Variants in PTPN5 observed in about 807,000 individuals in gnomAD.
The protein encoded by PTPN5 is protein tyrosine phosphatase non-receptor type 5.
Under a neutral mutation model 73.9 loss-of-function variants are expected in PTPN5, and 29 were observed. The ratio of observed to expected loss-of-function variants is 0.39; its 90% CI spans 0.29 to 0.54. The LOEUF is 0.54. Ranked by LOEUF, PTPN5 falls within the 20% of genes least tolerant of loss-of-function variation. The pLI is 0.65. For synonymous variants in PTPN5, 267 were observed against 304.7 expected, an observed-to-expected ratio of 0.88 and a Z score of 1.29; for missense variants, 652 against 751.4, an observed-to-expected ratio of 0.87 and a Z score of 1.55.
intron 3 of PTPN5, among the ~76,000 whole-genome samples, chr11:18,758,182 A>G (rs1850237044): frequency 1.3e-5 from 2 of 152,362 alleles, no homozygotes; most frequent in South Asian, 4.1e-4. Context: ...CACTCCTCCT[A>G]TCAAGAGGTG....
At position 18,729,079 on chromosome 11, in the gene PTPN5, G is replaced by GCACA. The variant is rs768752190; in HGVS notation, c.1605-53_1605-52insTGTG. The GCACA allele has an allele frequency of 3.2e-6, 5 of 1,581,168 alleles. No individual in the cohort carries two copies. In the South Asian group the frequency reaches 5.6e-5, roughly 18 times the overall value. On this transcript the variant is annotated intron_variant, in intron 14 of 14. Coordinates refer to ENST00000358540, the MANE Select transcript of PTPN5 (RefSeq NM_006906.2). This position sits in a 1 kb window ranked among gnomAD's most constrained non-coding sequence, Gnocchi z 5.2. ...GCAGGGTCGTGGAGGGATGGGCTGT[G>GCACA]GGAGGTGCCCCAAAAGCCATGGAGT... is the stretch of plus-strand genomic sequence containing the variant.
At chr11:18,743,202 C>A in intron 5 of PTPN5, 120 bp downstream of exon 5, 1 of 1,238,278 alleles carries the variant, frequency 8.1e-7, no homozygotes. Flanking sequence ...GGCAGAAGAA[C>A]TTCAGGGGCT....
chr11:18,778,557 T>C (rs1367380398), intron 1 of PTPN5, among the ~76,000 whole-genome samples: 1 of 152,174 alleles, frequency 6.6e-6, no homozygotes, highest in Non-Finnish European at 1.5e-5. Flanking sequence ...TGACGAGAGT[T>C]CTCACAAGAT....
At chr11:18,774,213 T>C (rs926983559) in intron 1 of PTPN5, among the ~76,000 whole-genome samples, 16 of 152,130 alleles carry the variant, frequency 1.1e-4, no homozygotes, top group African/African-American at 3.9e-4. Context: ...CACCAGTGAA[T>C]GAGAAAGGTG....
intron 3 of PTPN5, among the ~76,000 whole-genome samples, chr11:18,762,824 C>T (rs956279462): frequency 1.3e-5 from 2 of 152,186 alleles, no homozygotes; most frequent in African/African-American, 4.8e-5. Flanking sequence ...GTAGCTTGTC[C>T]ATGATCATCT....
intron 3 of PTPN5, among the ~76,000 whole-genome samples, chr11:18,747,227 T>G (rs1425779704): frequency 1.3e-5 from 2 of 151,894 alleles, no homozygotes; most frequent in Admixed American, 6.6e-5. Flanking sequence ...CTCGGCTAAC[T>G]GCAACTTCCA....
chr11:18,791,156 T>G (rs1851903668), intron 1 of PTPN5, among the ~76,000 whole-genome samples: 2 of 152,136 alleles, frequency 1.3e-5, no homozygotes. Flanking sequence ...ATTTCCAATC[T>G]CCCTCAGGGG....
chr11:18,740,778 A>G lies in PTPN5; in HGVS notation c.740T>C (p.Val247Ala). 1 of 1,554,508 alleles carries G rather than the reference A, an allele frequency of 6.4e-7. No homozygotes were observed. Among genetic ancestry groups the G allele is most frequent in the Non-Finnish European group, 8.7e-7 (1 of 1,146,094 alleles). Residue 247 changes from valine to alanine, a missense_variant, in exon 8 of 15, where the codon GTC (valine) becomes GCC (alanine). Val to Ala is a moderately conservative substitution (Grantham distance 64). This residue lies in a region of PTPN5 where 529 missense variants were observed against 573.9 expected (regional missense o/e 0.92). Coordinates refer to ENST00000358540, the MANE Select transcript of PTPN5 (RefSeq NM_006906.2). Reference protein sequence around the residue: ...MGLQERRGSNVSLTLDMCTPG... With the variant: ...MGLQERRGSNASLTLDMCTPG... Reference sequence around the variant, plus strand: ...AGTGCACATGTCCAGGGTCAGGGAGACATTGGAACCCCTCCTGGAAGGACC... The same window carrying G: ...AGTGCACATGTCCAGGGTCAGGGAGGCATTGGAACCCCTCCTGGAAGGACC...
At position 18,742,469 on chromosome 11, in the gene PTPN5, G is replaced by A. The variant is rs748130823; in HGVS notation, c.518C>T (p.Pro173Leu). The change falls in exon 7 of 15, where the codon CCC becomes CTC. Residue 173 changes from proline to leucine, a missense_variant. Around this residue, in one of 3 missense-constraint regions of PTPN5, gnomAD observed 529 missense variants for 573.9 expected, o/e 0.92. Transcript: ENST00000358540. This position sits in a 1 kb window ranked among gnomAD's most constrained non-coding sequence, Gnocchi z 4.1. ...CCTGTCCTCAGGGGGCAGTGGGGTG[G>A]GTGGCTCTGGGGGTGTCCTCAGGAG... ...WHLLRTPPEPPTPLPPEDRRQ... is the reference protein window; with the variant it reads ...WHLLRTPPEPLTPLPPEDRRQ... 6.2e-7 allele frequency: 1 copy of A among 1,613,998 alleles called. No individual in the cohort carries two copies. Among genetic ancestry groups the A allele is most frequent in the Admixed American group, 1.7e-5 (1 of 60,024 alleles).
chr11:18,778,656 T>A (rs1225705272), intron 1 of PTPN5, among the ~76,000 whole-genome samples: 2 of 152,120 alleles, frequency 1.3e-5, no homozygotes, highest in African/African-American at 4.8e-5. Context: ...CTCTTTGCCT[T>A]CTATCTGATT....
rs766379883 is a variant in PTPN5, at chr11:18,733,227, G to T, written c.1218+8C>A. Reference sequence around the variant, plus strand: ...GCAGACACTTAGAATGGGGACGGGGGTCCCTACCTCGTTCATCTCCTCGAT... The same window carrying T: ...GCAGACACTTAGAATGGGGACGGGGTTCCCTACCTCGTTCATCTCCTCGAT... On this transcript the variant is annotated splice_region_variant and intron_variant, in intron 11 of 14. Transcript: ENST00000358540. This position sits in a 1 kb window ranked among gnomAD's most constrained non-coding sequence, Gnocchi z 4.3. The T allele has an allele frequency of 5.0e-6, 8 of 1,609,162 alleles. No individual in the cohort carries two copies. In the East Asian group the frequency reaches 1.3e-4, roughly 27 times the overall value.
chr11:18,749,485 G>C, intron 3 of PTPN5: 1 of 518,220 alleles, frequency 1.9e-6, no homozygotes, highest in South Asian at 1.4e-5. Context: ...GGTCGGGGGA[G>C]GGTGGGGGGC....
chr11:18,733,537 T>C lies in PTPN5; in HGVS notation c.1080+19A>G. ...AGGCCTCCCCTTGAGCAAGAGGCCG[T>C]CAGGGTGGGAATACGTACCCGGATG... On this transcript the variant is annotated intron_variant, in intron 10 of 14. Transcript: ENST00000358540. This position sits in a 1 kb window ranked among gnomAD's most constrained non-coding sequence, Gnocchi z 4.3. 6.2e-7 allele frequency: 1 copy of C among 1,613,870 alleles called. No individual in the cohort carries two copies. Among genetic ancestry groups the C allele is most frequent in the Non-Finnish European group, 8.5e-7 (1 of 1,179,770 alleles).
rs1321453271 is a variant in PTPN5 at position 18,734,536 on chromosome 11, T to C, written c.1001-901A>G. ...TTTTGGTAGAGATGAGGTCTTGCTATGTTGACTAGGCTGGTCTCCAATTCC... is the reference window on the plus strand; with the variant it reads ...TTTTGGTAGAGATGAGGTCTTGCTACGTTGACTAGGCTGGTCTCCAATTCC... On this transcript the variant is annotated intron_variant, in intron 9 of 14. Coordinates refer to ENST00000358540, the MANE Select transcript of PTPN5 (RefSeq NM_006906.2). Among the ~76,000 whole-genome samples, 3 of 152,212 alleles carry C rather than the reference T, an allele frequency of 2.0e-5. No individual in the cohort carries two copies. The South Asian group carries it at 6.2e-4, about 32-fold the overall frequency.
At chr11:18,736,365 C>A (rs534353451) in intron 9 of PTPN5, among the ~76,000 whole-genome samples, 8 of 152,208 alleles carry the variant, frequency 5.3e-5, no homozygotes, top group Non-Finnish European at 1.2e-4. Context: ...GAGAAGGGGA[C>A]AGAAATTGCT....
chr11:18,771,444 C>A (rs1335296256), intron 2 of PTPN5, among the ~76,000 whole-genome samples: 4 of 152,218 alleles, frequency 2.6e-5, no homozygotes, highest in Admixed American at 2.0e-4. Context: ...CACTTCTGGG[C>A]TCCCCCACAC....
At chr11:18,760,056 T>C (rs991124527) in intron 3 of PTPN5, among the ~76,000 whole-genome samples, 4 of 152,082 alleles carry the variant, frequency 2.6e-5, no homozygotes, top group African/African-American at 7.2e-5. Flanking sequence ...CCCACCAAGA[T>C]AGGGTTGCAA....
chr11:18,755,381 G>C (rs962976166), intron 3 of PTPN5, among the ~76,000 whole-genome samples: 2 of 152,188 alleles, frequency 1.3e-5, no homozygotes, highest in African/African-American at 4.8e-5. Context: ...AGAAACTGTG[G>C]GGGATAAGGA....
rs545449180 is a variant in PTPN5, at chr11:18,739,500, G to A, written c.915+1103C>T. Among the ~76,000 whole-genome samples, 7 of 152,338 alleles carry A rather than the reference G, an allele frequency of 4.6e-5. No individual in the cohort carries two copies. In the South Asian group the frequency reaches 1.4e-3, roughly 32 times the overall value. ...GGGCATGGGGCATAAGGCTGGAAAA[G>A]GAGGCTGGGGCCACACGAGGTAAGG... On this transcript the variant is annotated intron_variant, in intron 8 of 14. Transcript: ENST00000358540.
Sources: gnomAD v4.1 joint callset for allele counts (sites outside exome capture counted in the v4.1 genomes callset) on GRCh38, gnomAD v4.1.1 for gene constraint, gnomAD v4.1.1 regional missense constraint, Gnocchi (gnomAD v3.1) non-coding constraint, MANE v1.5 for transcripts, NCBI Gene and HGNC (gene_info 2026-07-23, HGNC 2026-07-21) for gene names.